The following PRR5 variants were observed in gnomAD, a reference collection of about 807,000 sequenced individuals.
PRR5 encodes proline-rich protein 5.
Under a neutral mutation model 30.6 loss-of-function variants are expected in PRR5, and 25 were observed. The observed-to-expected ratio is 0.82, with a 90% confidence interval of 0.60 to 1.14. The LOEUF is 1.14. Ranked by LOEUF, PRR5 falls within the 50% of genes most tolerant of loss-of-function variation. The probability of loss-of-function intolerance (pLI) is 0.00; values close to 1 mark genes in which losing one functional copy is unlikely to be tolerated. For synonymous variants in PRR5, 286 were observed against 247.1 expected (o/e 1.16, Z -1.48); for missense variants, 600 against 547.1 (o/e 1.10, Z -0.96).
In PRR5 at chr22:44,709,579, C is replaced by T. The variant is rs375829920; in HGVS notation, c.135-5012C>T. Reference sequence around the variant, plus strand: ...ACTGATTTAGAACTTCCAGGCCAGGCGCAGTGGCTCACACCTGTAATCCCA... The same window carrying T: ...ACTGATTTAGAACTTCCAGGCCAGGTGCAGTGGCTCACACCTGTAATCCCA... On this transcript the variant is annotated intron_variant, in intron 1 of 7. Coordinates refer to ENST00000336985, the MANE Select transcript of PRR5 (RefSeq NM_181333.4). Among the ~76,000 whole-genome samples the T allele has an allele frequency of 7.2e-5, 11 of 152,260 alleles. No individual in the cohort carries two copies. In the East Asian group the frequency reaches 1.9e-3, roughly 27 times the overall value.
At chr22:44,714,729 A>G in intron 2 of PRR5, 58 bp downstream of exon 2, 3 of 1,599,080 alleles carry the variant, frequency 1.9e-6, no homozygotes, top group Non-Finnish European at 2.6e-6. Flanking sequence ...GGCTAGGCCC[A>G]GAGTCGAAGG....
intron 1 of PRR5, among the ~76,000 whole-genome samples, chr22:44,711,579 C>T (rs758480463): frequency 1.3e-5 from 2 of 152,100 alleles, no homozygotes; most frequent in Non-Finnish European, 2.9e-5. Flanking sequence ...GGGCAGATCA[C>T]TGAGGACAGC....
chr22:44,715,955 G>T (rs1486403979), intron 2 of PRR5, among the ~76,000 whole-genome samples: 1 of 152,192 alleles, frequency 6.6e-6, no homozygotes, highest in South Asian at 2.1e-4. Context: ...GGCCAGCTGG[G>T]TATTTAAACA....
rs529020443 is a variant in PRR5 at position 44,691,166 on chromosome 22, G to A, written c.-10-11326G>A. On this transcript the variant is annotated intron_variant, in intron 1 of 8. Coordinates refer to the PRR5 transcript ENST00000006251. This position sits in a 1 kb window ranked among gnomAD's most constrained non-coding sequence, Gnocchi z 4.4. Reference sequence around the variant, plus strand: ...GGGCTGAGAAAGAGGGCAGAGGAACGGTGAGCCCAGGCTTCAGGTAGGAAG... The same window carrying A: ...GGGCTGAGAAAGAGGGCAGAGGAACAGTGAGCCCAGGCTTCAGGTAGGAAG... Among the ~76,000 whole-genome samples, 11 of 152,212 alleles carry A rather than the reference G, an allele frequency of 7.2e-5. No individual in the cohort carries two copies. Among genetic ancestry groups the A allele is most frequent in the East Asian group, 1.9e-4 (1 of 5,168 alleles).
chr22:44,715,982 C>G (rs1294843934), intron 2 of PRR5, among the ~76,000 whole-genome samples: 2 of 152,198 alleles, frequency 1.3e-5, no homozygotes, highest in Non-Finnish European at 2.9e-5. Flanking sequence ...AAAGGAGTTA[C>G]TGTTAAATTT....
At chr22:44,718,934 T>C (rs1265110299) in intron 2 of PRR5, among the ~76,000 whole-genome samples, 9 of 152,206 alleles carry the variant, frequency 5.9e-5, no homozygotes, top group Non-Finnish European at 2.9e-5. Flanking sequence ...TTTCCTCCCA[T>C]TCTGTGAGCT....
At chr22:44,726,678 C>G in intron 4 of PRR5, 44 bp downstream of exon 4, 1 of 1,613,636 alleles carries the variant, frequency 6.2e-7, no homozygotes, top group African/African-American at 1.3e-5. Context: ...CATGCTGGGT[C>G]CTGGCTGGCT....
intron 4 of PRR5, among the ~76,000 whole-genome samples, chr22:44,727,290 C>T (rs932444253): frequency 3.3e-5 from 5 of 152,138 alleles, no homozygotes; most frequent in African/African-American, 1.2e-4. Flanking sequence ...CCTCGGGCAG[C>T]AGCAGCAGCG....
rs772021914 is a variant in PRR5 at position 44,737,290 on chromosome 22, G to T, written c.*43G>T. On this transcript the variant is annotated 3_prime_UTR_variant, in exon 8 of 8. Transcript: ENST00000336985. ...TGAGTTTTTACTGACACGTCCCTGT[G>T]TGCGGGGGTGTCCATGTGGCGTGTG... 12 of 1,554,088 alleles carry T rather than the reference G, an allele frequency of 7.7e-6. 1 individual carries two copies. The South Asian group carries it at 1.4e-4, about 19-fold the overall frequency.
At chr22:44,731,602 G>A (rs1174849293) in intron 4 of PRR5, 128 bp from the exon 5 acceptor site, 4 of 837,676 alleles carry the variant, frequency 4.8e-6, no homozygotes, top group Admixed American at 2.0e-5. Context: ...CATCGACCTT[G>A]GGCAGGTGCT....
intron 1 of PRR5, among the ~76,000 whole-genome samples, chr22:44,696,355 A>G (rs1601975188): frequency 6.6e-6 from 1 of 152,136 alleles, no homozygotes; most frequent in East Asian, 1.9e-4. Flanking sequence ...AGAGGCACCT[A>G]TTGAGAGACT....
chr22:44,686,344 T>C (rs1236125631), intron 1 of PRR5, among the ~76,000 whole-genome samples: 1 of 152,104 alleles, frequency 6.6e-6, no homozygotes, highest in Admixed American at 6.6e-5. Flanking sequence ...GTTGTTGTTG[T>C]TGATTTTTTT....
chr22:44,701,331 C>T (rs1247980508), upstream of PRR5, among the ~76,000 whole-genome samples: 1 of 152,126 alleles, frequency 6.6e-6, no homozygotes, highest in African/African-American at 2.4e-5. Context: ...GTGGTGAAGC[C>T]CAACTCTACC....
At chr22:44,723,555 A>G (rs969187023) in intron 2 of PRR5, among the ~76,000 whole-genome samples, 1 of 151,940 alleles carries the variant, frequency 6.6e-6, no homozygotes, top group Non-Finnish European at 1.5e-5. Flanking sequence ...CCCTGTCTCT[A>G]CTAAAAATAC....
In PRR5 at chr22:44,737,327, CTTT is replaced by C; in HGVS notation, c.*84_*86del. 1.3e-6 allele frequency: 2 copies of C among 1,507,370 alleles called. No homozygotes were observed. Among genetic ancestry groups the C allele is most frequent in the Non-Finnish European group, 8.9e-7 (1 of 1,128,342 alleles). The allele number at this position is 1,507,370 out of a possible 1,614,324, so 93.4% of individuals were successfully genotyped here. A position where few individuals can be genotyped will look rare whatever the true frequency, so the allele number is the denominator to read the frequency against. Reference sequence around the variant, plus strand: ...CCATGTGGCGTGTGTGTGAGTGAGACTTTTTTACTGCGTCCCGTCCCGCCAGCC... The same window carrying C: ...CCATGTGGCGTGTGTGTGAGTGAGACTTTACTGCGTCCCGTCCCGCCAGCC... On this transcript the variant is annotated 3_prime_UTR_variant, in exon 8 of 8. Transcript: ENST00000336985.
chr22:44,673,134 T>C (rs909283126), upstream of PRR5, among the ~76,000 whole-genome samples: 2 of 152,202 alleles, frequency 1.3e-5, no homozygotes, highest in African/African-American at 4.8e-5. Context: ...ATCCACCTAG[T>C]GCCCAGAAGA....
intron 1 of PRR5, among the ~76,000 whole-genome samples, chr22:44,710,757 C>A (rs778895436): frequency 2.6e-5 from 4 of 152,038 alleles, no homozygotes; most frequent in Non-Finnish European, 5.9e-5. Flanking sequence ...GCCTCTGTGT[C>A]TTCTGTAATC....
At chr22:44,720,815 G>A (rs1283722921) in intron 2 of PRR5, among the ~76,000 whole-genome samples, 4 of 152,146 alleles carry the variant, frequency 2.6e-5, no homozygotes, top group African/African-American at 7.2e-5. Context: ...GAAGGAGTGC[G>A]CTGAGTTCAT....
chr22:44,696,923 G>T (rs1569075672), intron 1 of PRR5, among the ~76,000 whole-genome samples: 1 of 152,030 alleles, frequency 6.6e-6, no homozygotes, highest in African/African-American at 2.4e-5. Flanking sequence ...TTTTAGTAGA[G>T]ACAGGGTTTC....
Sources: allele counts gnomAD v4.1 joint callset (sites outside exome capture counted in the v4.1 genomes callset), GRCh38; gene constraint gnomAD v4.1.1; non-coding constraint Gnocchi (gnomAD v3.1); transcripts MANE v1.5; gene names NCBI Gene and HGNC (gene_info 2026-07-23, HGNC 2026-07-21).